Variants in PEF1 observed in about 807,000 individuals in gnomAD.
PEF1 encodes the protein penta-EF-hand domain containing 1.
PEF1 carries 17 observed loss-of-function variants against 32.0 expected under a neutral mutation model. That is an observed-to-expected ratio of 0.53 (90% CI 0.36 to 0.80). The LOEUF (loss-of-function observed/expected upper bound fraction) is 0.80. Ranked by LOEUF, PEF1 falls within the 30% of genes least tolerant of loss-of-function variation. The probability of loss-of-function intolerance (pLI) is 0.00; values close to 1 mark genes in which losing one functional copy is unlikely to be tolerated. For synonymous variants in PEF1, 130 were observed against 139.8 expected (o/e 0.93, Z 0.50); for missense variants, 362 against 369.1 (o/e 0.98, Z 0.16).
intron 1 of PEF1, among the ~76,000 whole-genome samples, chr1:31,638,435 ACT>A (rs1199721593): frequency 1.3e-5 from 2 of 152,262 alleles, no homozygotes; most frequent in African/African-American, 2.4e-5. Context: ...GGGAGTGGGA[ACT>A]CTGCAGAATC....
At chr1:31,637,547 A>G (rs562968555) in intron 1 of PEF1, among the ~76,000 whole-genome samples, 1 of 151,524 alleles carries the variant, frequency 6.6e-6, no homozygotes, top group Non-Finnish European at 1.5e-5. Context: ...CGGGAGGCTA[A>G]AGCGGAAGGA....
At chr1:31,641,647 C>T (rs1640392769) in intron 1 of PEF1, among the ~76,000 whole-genome samples, 1 of 152,188 alleles carries the variant, frequency 6.6e-6, no homozygotes, top group South Asian at 2.1e-4. Flanking sequence ...GAATAGCATT[C>T]CTTTCTTCAC....
chr1:31,642,738 G>A (rs112439632), intron 1 of PEF1, among the ~76,000 whole-genome samples: 1,576 of 152,298 alleles, frequency 0.01, 22 homozygotes, highest in African/African-American at 0.036. Flanking sequence ...CATGAGAGCA[G>A]TCACGGCAGC....
At chr1:31,637,120 G>C (rs1640271543) in intron 1 of PEF1, among the ~76,000 whole-genome samples, 1 of 152,068 alleles carries the variant, frequency 6.6e-6, no homozygotes, top group South Asian at 2.1e-4. Context: ...TAAGGCTAAG[G>C]CCAAATTCAT....
intron 3 of PEF1, 95 bp downstream of exon 3, chr1:31,633,064 C>T (rs1204967570): frequency 3.6e-6 from 5 of 1,402,848 alleles, no homozygotes; most frequent in Non-Finnish European, 4.8e-6. Flanking sequence ...CAATGAATTT[C>T]TCTTCAGAAT....
intron 1 of PEF1, 124 bp downstream of exon 1, chr1:31,644,717 G>A: frequency 1.9e-6 from 3 of 1,563,142 alleles, no homozygotes; most frequent in Non-Finnish European, 1.7e-6. Flanking sequence ...TACAGCGCAA[G>A]GCCTCGCTGA....
At chr1:31,642,196 G>C (rs757061946) in intron 1 of PEF1, among the ~76,000 whole-genome samples, 7 of 152,228 alleles carry the variant, frequency 4.6e-5, no homozygotes, top group Non-Finnish European at 8.8e-5. Flanking sequence ...TTGTGCCATT[G>C]CACTCCAGCC....
chr1:31,632,788 G>A (rs1640147261), intron 3 of PEF1, 150 bp from the exon 4 acceptor site: 4 of 921,622 alleles, frequency 4.3e-6, no homozygotes, highest in African/African-American at 1.7e-5. Context: ...CTGCACCTGA[G>A]ACACCCACAT....
intron 1 of PEF1, among the ~76,000 whole-genome samples, chr1:31,642,980 A>T (rs1640441903): frequency 6.6e-6 from 1 of 152,192 alleles, no homozygotes; most frequent in African/African-American, 2.4e-5. Context: ...ATGCACACCA[A>T]TTGTCCCTAA....
At chr1:31,630,937 T>G in intron 4 of PEF1, 95 bp from the exon 5 acceptor site, 1 of 1,048,508 alleles carries the variant, frequency 9.5e-7, no homozygotes, top group Non-Finnish European at 1.4e-6. Context: ...TCAAGGAACT[T>G]CGAGAGGATG....
At chr1:31,635,105 C>T in intron 2 of PEF1, 117 bp downstream of exon 2, 1 of 1,272,974 alleles carries the variant, frequency 7.9e-7, no homozygotes, top group South Asian at 1.3e-5. Flanking sequence ...AAGCTGGAAG[C>T]AAGATGCTAA....
intron 2 of PEF1, among the ~76,000 whole-genome samples, chr1:31,633,968 A>C (rs1004088531): frequency 6.6e-5 from 10 of 151,846 alleles, no homozygotes; most frequent in East Asian, 5.8e-4. Context: ...AAAAAAAAAA[A>C]CAAAAAAACC....
intron 4 of PEF1, among the ~76,000 whole-genome samples, chr1:31,631,732 C>A (rs1266637550): frequency 6.6e-6 from 1 of 152,204 alleles, no homozygotes; most frequent in Non-Finnish European, 1.5e-5. Context: ...TTACTAATAT[C>A]CACGACAAAA....
chr1:31,644,324 C>G (rs1557591233), intron 1 of PEF1: 1 of 975,558 alleles, frequency 1.0e-6, no homozygotes, highest in Middle Eastern at 5.3e-4. Flanking sequence ...TCGGGGTTCA[C>G]TTTTCTACAC....
chr1:31,643,430 C>T (rs1312384294), intron 1 of PEF1, among the ~76,000 whole-genome samples: 1 of 152,162 alleles, frequency 6.6e-6, no homozygotes, highest in Admixed American at 6.5e-5. Flanking sequence ...CTTTAGGAAG[C>T]AACTGCTATG....
intron 1 of PEF1, among the ~76,000 whole-genome samples, chr1:31,637,707 A>AACAAAT (rs2148622181): frequency 6.6e-6 from 1 of 151,970 alleles, no homozygotes; most frequent in South Asian, 2.1e-4. Context: ...AAATAAATAA[A>AACAAAT]ACAAATACAA....
chr1:31,632,732 G>A (rs1320748068), intron 3 of PEF1, 94 bp from the exon 4 acceptor site: 4 of 1,425,394 alleles, frequency 2.8e-6, no homozygotes, highest in Non-Finnish European at 2.8e-6. Flanking sequence ...TTCTCTCCAG[G>A]CTGGAGTAGG....
chr1:31,633,021 G>A, intron 3 of PEF1, 138 bp downstream of exon 3: 1 of 1,054,482 alleles, frequency 9.5e-7, no homozygotes, highest in Middle Eastern at 3.1e-4. Context: ...ATCTCACCCT[G>A]AACCTAGCTT....
At chr1:31,632,988 GA>G (rs1214743839) in intron 3 of PEF1, among the ~76,000 whole-genome samples, 170 bp downstream of exon 3, 2 of 152,122 alleles carry the variant, frequency 1.3e-5, no homozygotes, top group East Asian at 3.8e-4. Context: ...AAGATCTCAG[GA>G]AAAGAGCTCT....
Sources: allele counts gnomAD v4.1 joint callset (sites outside exome capture counted in the v4.1 genomes callset), GRCh38; gene constraint gnomAD v4.1.1; transcripts MANE v1.5; gene names NCBI Gene and HGNC (gene_info 2026-07-23, HGNC 2026-07-21).